CADM2: variants seen among roughly 807,000 people sequenced by gnomAD.
CADM2 encodes the protein cell adhesion molecule 2, also known as immunoglobulin superfamily member 4D.
Under a neutral mutation model 49.8 loss-of-function variants are expected in CADM2, and 12 were observed. The observed-to-expected ratio is 0.24, with a 90% CI of 0.15 to 0.39. The LOEUF is 0.39. CADM2 is among the 10% of genes least tolerant of loss of function. CADM2 has a pLI of 1.00. For missense variants in CADM2, 378 were observed against 492.3 expected (o/e 0.77, Z 2.20); for synonymous variants, 214 against 175.4 (o/e 1.22, Z -1.74).
Position 85,912,358 on chromosome 3 carries a change from A to G in CADM2, c.530-15A>G, listed in dbSNP as rs755386010. On this transcript the variant is annotated splice_polypyrimidine_tract_variant and intron_variant, in intron 5 of 9. Transcript: ENST00000383699. ...TGAAAGGTGTCACATTTTAAAATTCATATTTTATTTTCAGATGTAAAATAT... is the reference window on the plus strand; with the variant it reads ...TGAAAGGTGTCACATTTTAAAATTCGTATTTTATTTTCAGATGTAAAATAT... 3 of 1,584,076 alleles carry G rather than the reference A, an allele frequency of 1.9e-6. No individual in the cohort carries two copies. Among genetic ancestry groups the G allele is most frequent in the South Asian group, 1.1e-5 (1 of 88,326 alleles).
At chr3:85,260,233 A>ATAT (rs2042985884) in intron 1 of CADM2, among the ~76,000 whole-genome samples, 1 of 152,046 alleles carries the variant, frequency 6.6e-6, no homozygotes, top group African/African-American at 2.4e-5. Context: ...ATTAATTTGT[A>ATAT]TATAATAATA....
chr3:85,927,554 A>G (rs1420931620), intron 6 of CADM2, among the ~76,000 whole-genome samples: 3 of 152,180 alleles, frequency 2.0e-5, no homozygotes, highest in Admixed American at 1.3e-4. Context: ...AAATGACAGT[A>G]CTCATAGGAA....
chr3:85,457,225 C>T (rs951271472), intron 1 of CADM2, among the ~76,000 whole-genome samples: 1 of 152,050 alleles, frequency 6.6e-6, no homozygotes, highest in Non-Finnish European at 1.5e-5. Context: ...CCAGTCTGGG[C>T]AACATGGCAA....
At chr3:85,943,081 G>T (rs1398600277) in intron 7 of CADM2, among the ~76,000 whole-genome samples, 4 of 152,008 alleles carry the variant, frequency 2.6e-5, no homozygotes, top group Admixed American at 6.6e-5. Flanking sequence ...TTCTCTGATG[G>T]CCAGTGAAGA....
chr3:85,193,991 G>A (rs2041276280), intron 1 of CADM2, among the ~76,000 whole-genome samples: 1 of 152,056 alleles, frequency 6.6e-6, no homozygotes, highest in Admixed American at 6.6e-5. Context: ...ATATAAAGTG[G>A]CAGTTGCAAA....
chr3:84,967,511 A>C lies in CADM2; in HGVS notation c.61+7843A>C, dbSNP rs567531012. 9.5e-4 allele frequency among the ~76,000 whole-genome samples: 144 copies of C among 152,238 alleles called. 1 individual carries two copies. The highest frequency in any genetic ancestry group is 3.4e-3 in the Middle Eastern group (1 of 294). On this transcript the variant is annotated intron_variant, in intron 1 of 9. Coordinates refer to ENST00000383699, the MANE Select transcript of CADM2 (RefSeq NM_001167675.2). ...ATTATGAATTAGAATATTTATATGT[A>C]AAAGCAAAGAAAAATATATAGTAAG... is the stretch of plus-strand genomic sequence containing the variant.
At chr3:85,734,707 TATA>T (rs1371192121) in intron 2 of CADM2, among the ~76,000 whole-genome samples, 1 of 147,728 alleles carries the variant, frequency 6.8e-6, no homozygotes, top group Non-Finnish European at 1.5e-5. Flanking sequence ...ATATTTTAAA[TATA>T]ATGTGTATAT....
intron 7 of CADM2, among the ~76,000 whole-genome samples, chr3:85,940,122 C>T (rs572848430): frequency 7.4e-6 from 1 of 135,930 alleles, no homozygotes; most frequent in Admixed American, 8.3e-5. Context: ...AGTTCAAGAC[C>T]AGCCTGGGCA....
chr3:85,618,235 G>T (rs2063855027), intron 1 of CADM2, among the ~76,000 whole-genome samples: 1 of 151,832 alleles, frequency 6.6e-6, no homozygotes, highest in South Asian at 2.1e-4. Flanking sequence ...AGATATCCCG[G>T]GATCAGAATT....
intron 3 of CADM2, among the ~76,000 whole-genome samples, chr3:85,819,171 G>A (rs996554303): frequency 9.2e-5 from 14 of 152,166 alleles, no homozygotes; most frequent in Non-Finnish European, 1.9e-4. Flanking sequence ...ATTCCGCATG[G>A]GAAGAAGATG....
chr3:85,397,866 A>C (rs2034872489), intron 1 of CADM2, among the ~76,000 whole-genome samples: 1 of 152,208 alleles, frequency 6.6e-6, no homozygotes, highest in Non-Finnish European at 1.5e-5. Context: ...GGTTAAAATG[A>C]TAAATTTTTG....
chr3:85,691,947 G>A (rs1220577950), intron 1 of CADM2, among the ~76,000 whole-genome samples: 2 of 152,136 alleles, frequency 1.3e-5, no homozygotes, highest in Non-Finnish European at 2.9e-5. Flanking sequence ...GACACAGGAA[G>A]GGGAACATCA....
chr3:85,922,828 G>GT (rs34787908), intron 6 of CADM2, among the ~76,000 whole-genome samples: 49,063 of 145,310 alleles, frequency 0.34, 8,964 homozygotes, highest in Middle Eastern at 0.42. Flanking sequence ...ATTTTTTGTT[G>GT]TTTTTTTTTT....
intron 1 of CADM2, among the ~76,000 whole-genome samples, chr3:85,598,766 T>C (rs1345244487): frequency 6.6e-6 from 1 of 151,978 alleles, no homozygotes; most frequent in Admixed American, 6.6e-5. Context: ...CTAGTAATTA[T>C]TGTGGAAATT....
At chr3:85,905,354 G>A (rs1312799798) in intron 5 of CADM2, among the ~76,000 whole-genome samples, 1 of 152,072 alleles carries the variant, frequency 6.6e-6, no homozygotes, top group African/African-American at 2.4e-5. Context: ...AGAAACTGAT[G>A]GGAGGATTTA....
At chr3:86,041,536 C>T (rs1001860318) in intron 8 of CADM2, among the ~76,000 whole-genome samples, 3 of 152,128 alleles carry the variant, frequency 2.0e-5, no homozygotes, top group African/African-American at 7.2e-5. Context: ...AGCTAACTAT[C>T]TTAAATATAT....
At chr3:85,866,865 C>T (rs896354152) in intron 3 of CADM2, among the ~76,000 whole-genome samples, 5 of 152,002 alleles carry the variant, frequency 3.3e-5, no homozygotes, top group Admixed American at 6.6e-5. Flanking sequence ...ATAACACATA[C>T]ACACATGCAC....
At chr3:85,059,627 G>A (rs1417582354) in intron 1 of CADM2, among the ~76,000 whole-genome samples, 1 of 152,102 alleles carries the variant, frequency 6.6e-6, no homozygotes, top group Non-Finnish European at 1.5e-5. Flanking sequence ...TGAACTATGA[G>A]GGTGAGTCTT....
intron 1 of CADM2, among the ~76,000 whole-genome samples, chr3:85,363,706 G>A (rs749250368): frequency 2.0e-5 from 3 of 152,176 alleles, no homozygotes; most frequent in Non-Finnish European, 2.9e-5. Context: ...CCGCCTTCTG[G>A]ATTCACGCCA....
Sources: allele counts gnomAD v4.1 joint callset (sites outside exome capture counted in the v4.1 genomes callset), GRCh38; gene constraint gnomAD v4.1.1; transcripts MANE v1.5; gene names NCBI Gene and HGNC (gene_info 2026-07-23, HGNC 2026-07-21).